The following SLC4A10 variants were observed in gnomAD, a reference collection of about 807,000 sequenced individuals.
The protein encoded by SLC4A10 is solute carrier family 4 member 10, also known as sodium-driven chloride bicarbonate exchanger.
Under a neutral mutation model 137.7 loss-of-function variants are expected in SLC4A10, and 42 were observed. That is an observed-to-expected ratio of 0.30 (90% CI 0.24 to 0.39). SLC4A10 has a LOEUF of 0.39. SLC4A10 is among the 10% of genes least tolerant of loss of function. The pLI is 1.00. For synonymous variants in SLC4A10, 474 were observed against 464.1 expected, an observed-to-expected ratio of 1.02 and a Z score of -0.27; for missense variants, 925 against 1,355.0, an observed-to-expected ratio of 0.68 and a Z score of 4.98.
intron 5 of SLC4A10, among the ~76,000 whole-genome samples, chr2:161,858,431 A>G (rs2060221812): frequency 6.6e-6 from 1 of 152,324 alleles, no homozygotes. Context: ...TAATTAAAGT[A>G]GGATTTTCTT....
intron 1 of SLC4A10, among the ~76,000 whole-genome samples, chr2:161,691,346 C>T (rs1249103150): frequency 1.3e-5 from 2 of 148,568 alleles, no homozygotes; most frequent in Non-Finnish European, 1.5e-5. Flanking sequence ...GTGGGGGTGA[C>T]GTTGGTTAAT....
intron 2 of SLC4A10, among the ~76,000 whole-genome samples, chr2:161,793,625 A>G (rs951133164): frequency 6.6e-6 from 1 of 152,062 alleles, no homozygotes; most frequent in South Asian, 2.1e-4. Context: ...TCTCTTCTTA[A>G]TGCGTTTCAG....
At chr2:161,671,418 A>G (rs1424377005) in intron 1 of SLC4A10, among the ~76,000 whole-genome samples, 1 of 152,200 alleles carries the variant, frequency 6.6e-6, no homozygotes, top group African/African-American at 2.4e-5. Flanking sequence ...AGCAACACTA[A>G]TAGACGGAGA....
chr2:161,898,510 T>G (rs1021794900), intron 11 of SLC4A10, among the ~76,000 whole-genome samples: 1 of 152,280 alleles, frequency 6.6e-6, no homozygotes, highest in East Asian at 1.9e-4. Flanking sequence ...GACCTCATAC[T>G]CTTTCAAATT....
chr2:161,882,962 A>G (rs2061920662), intron 10 of SLC4A10, among the ~76,000 whole-genome samples: 1 of 152,172 alleles, frequency 6.6e-6, no homozygotes, highest in Non-Finnish European at 1.5e-5. Context: ...GTAACAGAGC[A>G]TGTAAATTTT....
chr2:161,860,302 A>C (rs2060362797), intron 5 of SLC4A10, among the ~76,000 whole-genome samples: 1 of 152,184 alleles, frequency 6.6e-6, no homozygotes, highest in African/African-American at 2.4e-5. Context: ...AAAAACTGTG[A>C]AGATAGTGAC....
At chr2:161,700,337 C>T (rs1574436403) in intron 1 of SLC4A10, among the ~76,000 whole-genome samples, 1 of 152,086 alleles carries the variant, frequency 6.6e-6, no homozygotes, top group Non-Finnish European at 1.5e-5. Context: ...TTCATATAGC[C>T]ATCGCATTTA....
At chr2:161,640,130 G>A (rs1301435590) in intron 1 of SLC4A10, among the ~76,000 whole-genome samples, 1 of 152,032 alleles carries the variant, frequency 6.6e-6, no homozygotes, top group South Asian at 2.1e-4. Context: ...ATTTATTTCA[G>A]TAAGGACTCA....
chr2:161,678,840 A>G (rs1183613856), intron 1 of SLC4A10, among the ~76,000 whole-genome samples: 6 of 152,130 alleles, frequency 3.9e-5, no homozygotes, highest in Non-Finnish European at 8.8e-5. Context: ...AACATACCAC[A>G]ATTTATGTAT....
rs151205439 is a variant in SLC4A10, at chr2:161,753,855, G to GTTATTTATTTAT, written c.49-17079_49-17068dup. Among the ~76,000 whole-genome samples the GTTATTTATTTAT allele has an allele frequency of 1.9e-3, 250 of 134,790 alleles. 1 individual carries two copies. Among genetic ancestry groups the GTTATTTATTTAT allele is most frequent in the East Asian group, 3.5e-3 (16 of 4,570 alleles). 88.4% of individuals were successfully genotyped at this position (134,790 alleles called of 152,430 possible). ...CTCACTTTACTGTTAAATAACTCGA[G>GTTATTTATTTAT]TTATTTATTTATTTATTTATTTATT... is the stretch of plus-strand genomic sequence containing the variant. On this transcript the variant is annotated intron_variant, in intron 1 of 26. Transcript: ENST00000446997.
At chr2:161,834,562 A>C (rs1463476088) in intron 3 of SLC4A10, among the ~76,000 whole-genome samples, 1 of 151,998 alleles carries the variant, frequency 6.6e-6, no homozygotes, top group Non-Finnish European at 1.5e-5. Flanking sequence ...CTGGCTTAAC[A>C]TTCTTCATCA....
intron 3 of SLC4A10, among the ~76,000 whole-genome samples, chr2:161,831,659 G>C (rs1436605315): frequency 5.9e-5 from 9 of 151,872 alleles, no homozygotes. Context: ...CATATAATCT[G>C]TACAAAATAT....
chr2:161,905,585 G>T, intron 14 of SLC4A10, 57 bp from the exon 15 acceptor site: 2 of 1,525,212 alleles, frequency 1.3e-6, no homozygotes, highest in Non-Finnish European at 1.8e-6. Flanking sequence ...TGCTTAAAAT[G>T]ATAGCAAGCT....
intron 1 of SLC4A10, among the ~76,000 whole-genome samples, chr2:161,743,296 T>C (rs2048095158): frequency 6.6e-6 from 1 of 152,186 alleles, no homozygotes; most frequent in Non-Finnish European, 1.5e-5. Context: ...GATTTTTGTA[T>C]ATGACAAGAG....
intron 1 of SLC4A10, among the ~76,000 whole-genome samples, chr2:161,770,726 G>A (rs1179619109): frequency 1.3e-5 from 2 of 151,650 alleles, no homozygotes; most frequent in East Asian, 3.9e-4. Context: ...GACAAATGGT[G>A]CCAACTGGAA....
intron 1 of SLC4A10, among the ~76,000 whole-genome samples, chr2:161,732,434 G>T (rs577145632): frequency 4.5e-4 from 68 of 152,290 alleles, no homozygotes; most frequent in African/African-American, 1.6e-3. Context: ...ATTTTACCAT[G>T]TCACAATCCA....
intron 3 of SLC4A10, among the ~76,000 whole-genome samples, chr2:161,825,585 T>C (rs1312269298): frequency 6.6e-6 from 1 of 152,142 alleles, no homozygotes; most frequent in South Asian, 2.1e-4. Context: ...ACACCCTCTC[T>C]CTCTCTTCTC....
intron 15 of SLC4A10, among the ~76,000 whole-genome samples, chr2:161,918,023 C>A (rs979419791): frequency 1.3e-5 from 2 of 152,214 alleles, no homozygotes. Context: ...CAACACTGCA[C>A]TGCGTTGTGG....
intron 1 of SLC4A10, among the ~76,000 whole-genome samples, chr2:161,684,157 G>A (rs1205012638): frequency 6.6e-6 from 1 of 152,000 alleles, no homozygotes; most frequent in Non-Finnish European, 1.5e-5. Flanking sequence ...TTTTGTGTGT[G>A]GCTCACTTGA....
Sources: gnomAD v4.1 joint callset for allele counts (sites outside exome capture counted in the v4.1 genomes callset) on GRCh38, gnomAD v4.1.1 for gene constraint, MANE v1.5 for transcripts, NCBI Gene and HGNC (gene_info 2026-07-23, HGNC 2026-07-21) for gene names.